Variants in POLR3H observed in about 807,000 individuals in gnomAD.
POLR3H encodes the protein DNA-directed RNA polymerase III subunit RPC8.
Under a neutral mutation model 25.5 loss-of-function variants are expected in POLR3H, and 17 were observed. The ratio of observed to expected loss-of-function variants is 0.67; its 90% CI spans 0.46 to 1.00. The LOEUF (loss-of-function observed/expected upper bound fraction) is 1.00, where lower values mean the gene tolerates loss of function less well. Ranked by LOEUF, POLR3H falls within the 50% of genes least tolerant of loss-of-function variation. The probability of loss-of-function intolerance (pLI) is 0.00; values close to 1 mark genes in which losing one functional copy is unlikely to be tolerated. For synonymous variants in POLR3H, 129 were observed against 103.0 expected (o/e 1.25, Z -1.53); for missense variants, 274 against 265.0 (o/e 1.03, Z -0.24).
intron 2 of POLR3H, chr22:41,533,658 TGAG>T (rs2066789245): frequency 3.8e-6 from 5 of 1,303,868 alleles, no homozygotes; most frequent in Admixed American, 2.3e-5. Context: ...CAGCAGGGCA[TGAG>T]GAGAGGCAGC....
Position 41,527,685 on chromosome 22 carries a change from T to C in POLR3H, c.*1598A>G. The stretch of plus-strand genomic sequence containing the variant: ...CCAGGGGGTTCTTTCTGATCATGAA[T>C]GTGCAGCAGGAAGGCCTCGCAGACC... On this transcript the variant is annotated 3_prime_UTR_variant, in exon 6 of 6. Transcript: ENST00000355209. 2 of 804,968 alleles carry C rather than the reference T, an allele frequency of 2.5e-6. No homozygotes were observed. The highest frequency in any genetic ancestry group is 1.8e-5 in the South Asian group (1 of 55,210). 49.9% of individuals were successfully genotyped at this position (804,968 alleles called of 1,614,324 possible).
chr22:41,539,488 T>A (rs2066898158), intron 2 of POLR3H: 1 of 152,514 alleles, frequency 6.6e-6, no homozygotes, highest in South Asian at 2.1e-4. Context: ...TCACCTCCCT[T>A]GACTGGTGGT....
chr22:41,530,297 A>G (rs1337954542), intron 5 of POLR3H, among the ~76,000 whole-genome samples: 1 of 151,592 alleles, frequency 6.6e-6, no homozygotes, highest in African/African-American at 2.4e-5. Flanking sequence ...TTATAGAGAC[A>G]ACTTCTCACT....
At chr22:41,542,578 G>A (rs2066945849) in intron 1 of POLR3H, among the ~76,000 whole-genome samples, 1 of 152,118 alleles carries the variant, frequency 6.6e-6, no homozygotes, top group Non-Finnish European at 1.5e-5. Flanking sequence ...TTGTTCCACA[G>A]GTGTGTGAAC....
intron 1 of POLR3H, among the ~76,000 whole-genome samples, chr22:41,542,013 C>T (rs903870395): frequency 2.6e-5 from 4 of 151,956 alleles, no homozygotes; most frequent in African/African-American, 4.8e-5. Flanking sequence ...CCCCCACCCA[C>T]CTGTCCAGCC....
Position 41,530,849 on chromosome 22 carries a change from C to T in POLR3H, c.399G>A (p.Thr133=), listed in dbSNP as rs540214847. 1.2e-5 allele frequency: 20 copies of T among 1,614,024 alleles called. No individual in the cohort carries two copies. The highest frequency in any genetic ancestry group is 1.1e-4 in the East Asian group (5 of 44,884). ...TGTAGAGGTCGTGTGCTCCTTCCTCCGTCTCGTACTCCCACACCCACACCT... is the reference window on the plus strand; with the variant it reads ...TGTAGAGGTCGTGTGCTCCTTCCTCTGTCTCGTACTCCCACACCCACACCT... ...AEQVWVWEYE[T]EEGAHDLYMD... Residue 133 remains threonine, a synonymous_variant, in exon 5 of 6, where the codon ACG becomes ACA. Transcript: ENST00000355209.
intron 5 of POLR3H, chr22:41,529,775 T>C (rs2066686839): frequency 2.2e-6 from 1 of 445,726 alleles, no homozygotes; most frequent in Non-Finnish European, 4.4e-6. Flanking sequence ...TTTTTTTTTT[T>C]GAGACAGTCT....
chr22:41,532,506 A>G, intron 3 of POLR3H, 153 bp downstream of exon 3: 1 of 1,388,980 alleles, frequency 7.2e-7, no homozygotes, highest in Non-Finnish European at 9.8e-7. Flanking sequence ...TCCTCACACA[A>G]CACATAAAAG....
At position 41,526,224 on chromosome 22, in the gene POLR3H, C is replaced by T. The variant is rs889920232; in HGVS notation, c.*3059G>A. 3 of 1,583,000 alleles carry T rather than the reference C, an allele frequency of 1.9e-6. No individual in the cohort carries two copies. Among genetic ancestry groups the T allele is most frequent in the Non-Finnish European group, 2.6e-6 (3 of 1,158,372 alleles). ...GGCTTGTCATCCACCCCTCCAGGGC[C>T]ATGCCCTGACCTCTGTCCTCTCTAC... is the stretch of plus-strand genomic sequence containing the variant. On this transcript the variant is annotated 3_prime_UTR_variant, in exon 6 of 6. Transcript: ENST00000355209.
chr22:41,538,258 T>G (rs887725083), intron 2 of POLR3H, among the ~76,000 whole-genome samples: 1 of 151,720 alleles, frequency 6.6e-6, no homozygotes, highest in African/African-American at 2.4e-5. Context: ...CTCAGCCTCC[T>G]GAGTAGCTGG....
At chr22:41,544,572 G>C (rs1016585887), upstream of POLR3H, 2 of 153,418 alleles carry the variant, frequency 1.3e-5, no homozygotes, top group Admixed American at 6.5e-5. Flanking sequence ...CTGTGTGCTC[G>C]CGCACAGCGT....
chr22:41,531,100 A>G (rs1001481839), intron 4 of POLR3H, among the ~76,000 whole-genome samples: 3 of 152,230 alleles, frequency 2.0e-5, no homozygotes, highest in African/African-American at 4.8e-5. Flanking sequence ...GAAGGGGAAC[A>G]TGGGGTCCCC....
In POLR3H at chr22:41,532,659, C is replaced by A. The variant is rs765530728; in HGVS notation, c.295G>T (p.Val99Phe). The change falls in exon 3 of 6, where the codon GTC becomes TTC. Residue 99 changes from valine to phenylalanine, a missense_variant and splice_region_variant. Transcript: ENST00000355209. Reference protein sequence around the residue: ...IKGCSPEGVHVSLGFFDDILI... With the variant: ...IKGCSPEGVHFSLGFFDDILI... ...TCTGAGGCGTCAGGGCCACTGTTAC[C>A]GTGCACTCCTTCTGGGCTGCAGCCT... 6.2e-7 allele frequency: 1 copy of A among 1,614,054 alleles called. No homozygotes were observed. Among genetic ancestry groups the A allele is most frequent in the Non-Finnish European group, 8.5e-7 (1 of 1,179,966 alleles).
Position 41,528,382 on chromosome 22 carries a change from T to G in POLR3H, c.*901A>C. ...GGATTTGGTTTGCCTGCTGACCTCT[T>G]AGGTCCCCAGGCAGTGCCCTGTCTC... On this transcript the variant is annotated 3_prime_UTR_variant, in exon 6 of 6. Coordinates refer to ENST00000355209, the MANE Select transcript of POLR3H (RefSeq NM_001018050.4). The G allele has an allele frequency of 6.6e-7, 1 of 1,517,104 alleles. No homozygotes were observed. The highest frequency in any genetic ancestry group is 8.9e-7 in the Non-Finnish European group (1 of 1,127,616). The allele number at this position is 1,517,104 out of a possible 1,614,324, so 94.0% of individuals were successfully genotyped here. A position where few individuals can be genotyped will look rare whatever the true frequency, so the allele number is the denominator to read the frequency against.
intron 4 of POLR3H, among the ~76,000 whole-genome samples, 184 bp downstream of exon 4, chr22:41,531,910 A>G (rs992391058): frequency 1.3e-5 from 2 of 152,208 alleles, no homozygotes. Flanking sequence ...TGGGCATCAC[A>G]TGACTCCCTG....
chr22:41,525,971 A>T lies in POLR3H; in HGVS notation c.*3312T>A. On this transcript the variant is annotated 3_prime_UTR_variant, in exon 6 of 6. Coordinates refer to ENST00000355209, the MANE Select transcript of POLR3H (RefSeq NM_001018050.4). ...AGGTCTGTGGCTGATCTTGCAGCTG[A>T]GGCCTGAAGGGTGAGCGAACATTGA... 3.0e-6 allele frequency: 1 copy of T among 334,120 alleles called. No homozygotes were observed. Among genetic ancestry groups the T allele is most frequent in the Non-Finnish European group, 5.5e-6 (1 of 181,708 alleles). The allele number at this position is 334,120 out of a possible 1,614,324, so 20.7% of individuals were successfully genotyped here.
At position 41,526,141 on chromosome 22, in the gene POLR3H, G is replaced by T; in HGVS notation, c.*3142C>A. 2 of 812,918 alleles carry T rather than the reference G, an allele frequency of 2.5e-6. No homozygotes were observed. The allele number at this position is 812,918 out of a possible 1,614,324, so 50.4% of individuals were successfully genotyped here. A position where few individuals can be genotyped will look rare whatever the true frequency, so the allele number is the denominator to read the frequency against. On this transcript the variant is annotated 3_prime_UTR_variant, in exon 6 of 6. Transcript: ENST00000355209. ...AGAACACGTGTCTGAAGACTTGCCTGCCTCTCACCCCTCTGTCACCCCTCC... is the reference window on the plus strand; with the variant it reads ...AGAACACGTGTCTGAAGACTTGCCTTCCTCTCACCCCTCTGTCACCCCTCC...
chr22:41,529,105 AGGAGGAGCAGGGCCTAGATGGT>A lies in POLR3H; in HGVS notation c.*156_*177del. 1 of 603,502 alleles carries A rather than the reference AGGAGGAGCAGGGCCTAGATGGT, an allele frequency of 1.7e-6. No homozygotes were observed. 37.4% of individuals were successfully genotyped at this position (603,502 alleles called of 1,614,324 possible). On this transcript the variant is annotated 3_prime_UTR_variant, in exon 6 of 6. Coordinates refer to ENST00000355209, the MANE Select transcript of POLR3H (RefSeq NM_001018050.4). Reference sequence around the variant, plus strand: ...ACAGATGGATCCATCACTGCAGTGAAGGAGGAGCAGGGCCTAGATGGTGGAGGAGCGGGGCAAGCTGGTGGGC... The same window carrying A: ...ACAGATGGATCCATCACTGCAGTGAAGGAGGAGCGGGGCAAGCTGGTGGGC...
intron 2 of POLR3H, among the ~76,000 whole-genome samples, chr22:41,534,210 G>A (rs1400012694): frequency 6.6e-6 from 1 of 152,174 alleles, no homozygotes; most frequent in African/African-American, 2.4e-5. Flanking sequence ...GCTCACGGGG[G>A]TGGGACAGCA....
Sources: gnomAD v4.1 joint callset for allele counts (sites outside exome capture counted in the v4.1 genomes callset) on GRCh38, gnomAD v4.1.1 for gene constraint, MANE v1.5 for transcripts, NCBI Gene and HGNC (gene_info 2026-07-23, HGNC 2026-07-21) for gene names.